Variants in NBPF15 observed in about 807,000 individuals in gnomAD.
NBPF15 encodes the protein NBPF family member NBPF15.
A neutral mutation model predicts 62.2 loss-of-function variants in NBPF15; 74 were observed. The ratio of observed to expected loss-of-function variants is 1.19; its 90% confidence interval spans 0.99 to 1.44. The LOEUF is 1.44. Ranked by LOEUF, NBPF15 falls within the 40% of genes most tolerant of loss-of-function variation. The pLI is 0.00. For missense variants in NBPF15, 790 were observed against 550.0 expected (o/e 1.44, Z -4.36); for synonymous variants, 244 against 209.7 (o/e 1.16, Z -1.41).
intron 13 of NBPF15, among the ~76,000 whole-genome samples, chr1:144,430,878 T>C (rs1282403690): frequency 6.6e-6 from 1 of 151,986 alleles, no homozygotes; most frequent in East Asian, 1.9e-4. Flanking sequence ...GAGAAGACCT[T>C]AAATGACCTG....
rs1668268371 is a variant in NBPF15, at chr1:144,424,601, C to G, written c.1663+89G>C. The G allele has an allele frequency of 6.1e-6, 4 of 657,688 alleles. No homozygotes were observed. The Admixed American group carries it at 7.9e-5, about 13-fold the overall frequency. 40.7% of individuals were successfully genotyped at this position (657,688 alleles called of 1,614,324 possible). A position where few individuals can be genotyped will look rare whatever the true frequency, so the allele number is the denominator to read the frequency against. ...TCCTCACTGCGGCAATGACATCTCT[C>G]AGCTCAGTAATGGCCAATTGGAGCA... On this transcript the variant is annotated intron_variant, in intron 20 of 21. Coordinates refer to ENST00000581897, the MANE Select transcript of NBPF15 (RefSeq NM_001385408.1).
chr1:144,449,350 A>G (rs1228174248), intron 5 of NBPF15, among the ~76,000 whole-genome samples: 1 of 151,800 alleles, frequency 6.6e-6, no homozygotes, highest in African/African-American at 2.4e-5. Context: ...CATTTATCCA[A>G]GAGAAATTAA....
At chr1:144,457,786 TA>T (rs2102872661) in intron 3 of NBPF15, among the ~76,000 whole-genome samples, 1 of 152,066 alleles carries the variant, frequency 6.6e-6, no homozygotes, top group Non-Finnish European at 1.5e-5. Context: ...TAGAAAAACA[TA>T]AAAATTATTA....
At chr1:144,448,051 C>T (rs587721209) in intron 6 of NBPF15, among the ~76,000 whole-genome samples, 2 of 152,176 alleles carry the variant, frequency 1.3e-5, no homozygotes, top group East Asian at 3.9e-4. Context: ...CGCTTCTTCA[C>T]CTTTTCAATA....
chr1:144,443,592 A>G (rs1223276773), intron 6 of NBPF15, among the ~76,000 whole-genome samples: 2 of 151,672 alleles, frequency 1.3e-5, no homozygotes, highest in East Asian at 1.9e-4. Flanking sequence ...GCCTTCTTTA[A>G]TTTTTCTCAC....
chr1:144,425,552 T>A lies in NBPF15; in HGVS notation c.1455A>T (p.Gln485His). The change falls in exon 19 of 22, where the codon CAA (glutamine) becomes CAT (histidine). Residue 485 changes from glutamine to histidine, a missense_variant. Physicochemically the swap from Gln to His is conservative, Grantham distance 24. Transcript: ENST00000581897. ...GTGGGCCTTGGTCTTCTTCCTCTTC[T>A]TGGTCCTTTTTAATTCCTGCAATAC... ...ALDVDRIKKDQEEEEDQGPPC... is the reference protein window; with the variant it reads ...ALDVDRIKKDHEEEEDQGPPC... The A allele has an allele frequency of 5.5e-6, 3 of 542,184 alleles. No individual in the cohort carries two copies. The highest frequency in any genetic ancestry group is 9.7e-6 in the Non-Finnish European group (3 of 308,116). The allele number at this position is 542,184 out of a possible 1,614,324, so 33.6% of individuals were successfully genotyped here. A position where few individuals can be genotyped will look rare whatever the true frequency, so the allele number is the denominator to read the frequency against.
chr1:144,457,647 C>CA (rs1272151627), intron 3 of NBPF15, among the ~76,000 whole-genome samples: 1 of 151,744 alleles, frequency 6.6e-6, no homozygotes, highest in East Asian at 1.9e-4. Context: ...GAATAAGAGA[C>CA]AAAATCTCAA....
chr1:144,451,865 C>T (rs9970264), intron 4 of NBPF15, among the ~76,000 whole-genome samples: 11,434 of 150,708 alleles, frequency 0.076, 1,160 homozygotes, highest in African/African-American at 0.23. Context: ...CTTTTCCCCA[C>T]AGTTCAGGTC....
At chr1:144,455,677 G>A (rs1476054666) in intron 4 of NBPF15, among the ~76,000 whole-genome samples, 4 of 151,942 alleles carry the variant, frequency 2.6e-5, no homozygotes, top group African/African-American at 9.7e-5. Flanking sequence ...ATTCTCACTG[G>A]ACTTCCCTCC....
intron 6 of NBPF15, among the ~76,000 whole-genome samples, chr1:144,441,137 T>A (rs1682626927): frequency 6.6e-6 from 1 of 151,992 alleles, no homozygotes; most frequent in African/African-American, 2.4e-5. Flanking sequence ...CTACTGTGCA[T>A]AAGTAACTAT....
chr1:144,428,185 A>G (rs1459055701), intron 15 of NBPF15, among the ~76,000 whole-genome samples, 195 bp from the exon 16 acceptor site: 889 of 145,184 alleles, frequency 6.1e-3, no homozygotes, highest in African/African-American at 0.024. Context: ...AAAGACACAC[A>G]CACACACACA....
At position 144,459,468 on chromosome 1, in the gene NBPF15, G is replaced by A. The variant is rs587733699; in HGVS notation, c.-803C>T. The A allele has an allele frequency of 6.6e-6, 1 of 151,792 alleles. No homozygotes were observed. The highest frequency in any genetic ancestry group is 1.5e-5 in the Non-Finnish European group (1 of 67,972). 9.4% of individuals were successfully genotyped at this position (151,792 alleles called of 1,614,324 possible). On this transcript the variant is annotated 5_prime_UTR_variant, in exon 3 of 22. Transcript: ENST00000581897. Reference sequence around the variant, plus strand: ...GATTGTGCCACTGCACTCCAGCCTGGGCAACAGAGTGAGATCTTGTCTCAA... The same window carrying A: ...GATTGTGCCACTGCACTCCAGCCTGAGCAACAGAGTGAGATCTTGTCTCAA...
At chr1:144,449,672 C>G (rs1301266228) in intron 5 of NBPF15, among the ~76,000 whole-genome samples, 3 of 151,882 alleles carry the variant, frequency 2.0e-5, no homozygotes, top group Admixed American at 6.6e-5. Flanking sequence ...GGGTCAGTCC[C>G]AGGCTGTGGA....
chr1:144,442,289 AT>A (rs1399172999), intron 6 of NBPF15, among the ~76,000 whole-genome samples: 17 of 120,338 alleles, frequency 1.4e-4, no homozygotes, highest in African/African-American at 5.9e-4. Flanking sequence ...ACGTGTATAT[AT>A]TATATATATA....
chr1:144,426,176 C>T lies in NBPF15; in HGVS notation c.1438+102G>A, dbSNP rs1288611953. ...ATGCGCCCATAGGTCCTGCCTGCGG[C>T]AATGACATCTCTCGGGTCAGTAAGG... is the stretch of plus-strand genomic sequence containing the variant. On this transcript the variant is annotated intron_variant, in intron 18 of 21. Transcript: ENST00000581897. 4 of 649,054 alleles carry T rather than the reference C, an allele frequency of 6.2e-6. No individual in the cohort carries two copies. In the African/African-American group the frequency reaches 7.8e-5, roughly 13 times the overall value. The allele number at this position is 649,054 out of a possible 1,614,324, so 40.2% of individuals were successfully genotyped here. A position where few individuals can be genotyped will look rare whatever the true frequency, so the allele number is the denominator to read the frequency against.
At position 144,422,868 on chromosome 1, in the gene NBPF15, C is replaced by A; in HGVS notation, c.*145G>T. On this transcript the variant is annotated 3_prime_UTR_variant, in exon 22 of 22. Coordinates refer to ENST00000581897, the MANE Select transcript of NBPF15 (RefSeq NM_001385408.1). ...CAGATTGAGCACAGGTTGCCAATGG[C>A]ATGGTTTGAGAATAGGAATAGAGCC... 1 of 1,577,756 alleles carries A rather than the reference C, an allele frequency of 6.3e-7. No individual in the cohort carries two copies. Among genetic ancestry groups the A allele is most frequent in the Non-Finnish European group, 8.6e-7 (1 of 1,163,406 alleles).
intron 3 of NBPF15, among the ~76,000 whole-genome samples, chr1:144,457,662 C>T (rs1337844761): frequency 2.6e-5 from 4 of 151,808 alleles, no homozygotes; most frequent in African/African-American, 9.7e-5. Context: ...TCTCAAATTT[C>T]CAGGAGCTTA....
At chr1:144,436,744 G>T in intron 10 of NBPF15, 151 bp downstream of exon 10, 4 of 1,054,594 alleles carry the variant, frequency 3.8e-6, no homozygotes, top group Non-Finnish European at 5.7e-6. Flanking sequence ...TCCCATCTCC[G>T]TTCTTACCCA....
rs76600688 is a variant in NBPF15, at chr1:144,422,990, T to C, written c.*23A>G. 1.9e-6 allele frequency: 3 copies of C among 1,611,596 alleles called. No homozygotes were observed. The highest frequency in any genetic ancestry group is 2.2e-5 in the South Asian group (2 of 90,964). On this transcript the variant is annotated 3_prime_UTR_variant, in exon 22 of 22. Coordinates refer to ENST00000581897, the MANE Select transcript of NBPF15 (RefSeq NM_001385408.1). ...ATAGGTCCTGCCTGCAGGAATGACA[T>C]CTCTCGGCTTAGTAAGAGCTGCTTA... is the stretch of plus-strand genomic sequence containing the variant.
Sources: allele counts gnomAD v4.1 joint callset (sites outside exome capture counted in the v4.1 genomes callset), GRCh38; gene constraint gnomAD v4.1.1; transcripts MANE v1.5; gene names NCBI Gene and HGNC (gene_info 2026-07-23, HGNC 2026-07-21).